FKTN: variants seen among roughly 807,000 people sequenced by gnomAD.
FKTN encodes fukutin.
FKTN carries 47 observed loss-of-function variants against 58.6 expected under a neutral mutation model. The ratio of observed to expected loss-of-function variants is 0.80; its 90% CI spans 0.63 to 1.02. FKTN has a LOEUF of 1.02. Ranked by LOEUF, FKTN falls within the 50% of genes least tolerant of loss-of-function variation. The pLI is 0.00. For synonymous variants in FKTN, 178 were observed against 191.9 expected, an observed-to-expected ratio of 0.93 and a Z score of 0.60; for missense variants, 516 against 537.3, an observed-to-expected ratio of 0.96 and a Z score of 0.39.
chr9:105,611,367 C>T (rs1036447951), intron 7 of FKTN, among the ~76,000 whole-genome samples: 1 of 152,018 alleles, frequency 6.6e-6, no homozygotes, highest in Non-Finnish European at 1.5e-5. Context: ...TTATTTTTAA[C>T]TTGTAAGTTC....
chr9:105,583,982 C>T (rs1193984724), intron 3 of FKTN, among the ~76,000 whole-genome samples: 1 of 152,198 alleles, frequency 6.6e-6, no homozygotes, highest in Non-Finnish European at 1.5e-5. Context: ...TAAAGAACTG[C>T]TGTCTCAACC....
chr9:105,574,914 G>T (rs969473930), intron 2 of FKTN, 31 bp from the exon 3 acceptor site: 5 of 696,902 alleles, frequency 7.2e-6, no homozygotes, highest in Non-Finnish European at 1.3e-5. Flanking sequence ...AGAGGTTTTT[G>T]TTTCTTTAAA....
chr9:105,632,422 A>T (rs1405184085), intron 10 of FKTN, among the ~76,000 whole-genome samples: 2 of 146,862 alleles, frequency 1.4e-5, no homozygotes, highest in Non-Finnish European at 3.0e-5. Flanking sequence ...AGTATAATAA[A>T]AAAAAATATA....
chr9:105,603,154 G>A (rs756697440), intron 5 of FKTN, among the ~76,000 whole-genome samples: 4 of 152,142 alleles, frequency 2.6e-5, no homozygotes, highest in Non-Finnish European at 4.4e-5. Context: ...TTGTCTGTCA[G>A]TCTTTCCTCC....
At position 105,637,723 on chromosome 9, in the gene FKTN, C is replaced by T. The variant is rs1834141953; in HGVS notation, c.*2459C>T. On this transcript the variant is annotated 3_prime_UTR_variant, in exon 11 of 11. Coordinates refer to ENST00000357998, the MANE Select transcript of FKTN (RefSeq NM_001079802.2). ...TTGACAACTTGTTGGTAGTTAGGCA[C>T]CCATGAATGTCTCCAGAGACATCCT... is the stretch of plus-strand genomic sequence containing the variant. 2 of 985,330 alleles carry T rather than the reference C, an allele frequency of 2.0e-6. No individual in the cohort carries two copies. The highest frequency in any genetic ancestry group is 9.4e-5 in the South Asian group (2 of 21,276). 61.0% of individuals were successfully genotyped at this position (985,330 alleles called of 1,614,324 possible). A position where few individuals can be genotyped will look rare whatever the true frequency, so the allele number is the denominator to read the frequency against.
intron 7 of FKTN, among the ~76,000 whole-genome samples, chr9:105,614,558 A>G (rs1364244155): frequency 6.6e-6 from 1 of 152,202 alleles, no homozygotes; most frequent in East Asian, 1.9e-4. Context: ...ACTATACTAC[A>G]CAGTCTCTAA....
chr9:105,574,651 C>T (rs564312796), intron 2 of FKTN, among the ~76,000 whole-genome samples: 11 of 152,086 alleles, frequency 7.2e-5, no homozygotes, highest in Admixed American at 3.9e-4. Flanking sequence ...GGTCTCATAC[C>T]GGATTTACTG....
chr9:105,566,172 C>G (rs1296161949), intron 1 of FKTN, among the ~76,000 whole-genome samples: 1 of 152,174 alleles, frequency 6.6e-6, no homozygotes, highest in Non-Finnish European at 1.5e-5. Context: ...AAATTTATAG[C>G]ACTAAATGCC....
chr9:105,639,727 A>T lies in FKTN; in HGVS notation c.*4463A>T. The T allele has an allele frequency of 1.0e-6, 1 of 971,058 alleles. No homozygotes were observed. The highest frequency in any genetic ancestry group is 1.2e-6 in the Non-Finnish European group (1 of 804,954). 60.2% of individuals were successfully genotyped at this position (971,058 alleles called of 1,614,324 possible). On this transcript the variant is annotated 3_prime_UTR_variant, in exon 11 of 11. Coordinates refer to ENST00000357998, the MANE Select transcript of FKTN (RefSeq NM_001079802.2). The stretch of plus-strand genomic sequence containing the variant: ...CAATATATGGTTTGTGAATTCAGAG[A>T]CATTACCAGTTTGCCTCCTTCTCTC...
Position 105,604,284 on chromosome 9 carries a change from C to T in FKTN, c.439C>T (p.Leu147=). ...CLKIESKDPR[L]DGIDSLSGTE... ...AAAGATTGAGAGTAAAGATCCCCGG[C>T]TAGACGGGATAGACTCACTCTCTGG... Residue 147 remains leucine (L), a synonymous_variant, in exon 6 of 11, where the codon CTA becomes TTA. Transcript: ENST00000357998. The T allele has an allele frequency of 6.2e-7, 1 of 1,613,484 alleles. No individual in the cohort carries two copies. Among genetic ancestry groups the T allele is most frequent in the Non-Finnish European group, 8.5e-7 (1 of 1,179,832 alleles).
intron 3 of FKTN, among the ~76,000 whole-genome samples, chr9:105,586,972 C>T (rs1164085298): frequency 6.6e-6 from 1 of 152,114 alleles, no homozygotes; most frequent in African/African-American, 2.4e-5. Flanking sequence ...TGTATTTATT[C>T]ATACAGCTAT....
At chr9:105,609,240 A>C (rs1468783452) in intron 7 of FKTN, among the ~76,000 whole-genome samples, 1 of 152,088 alleles carries the variant, frequency 6.6e-6, no homozygotes, top group East Asian at 1.9e-4. Context: ...TAAAGCAATA[A>C]ATTAATCTAA....
chr9:105,629,174 C>T (rs982423847), intron 10 of FKTN, among the ~76,000 whole-genome samples: 41 of 151,882 alleles, frequency 2.7e-4, no homozygotes, highest in African/African-American at 9.2e-4. Context: ...TAAGCCTGGG[C>T]AACATAGGGA....
chr9:105,576,527 A>C (rs1418745990), intron 3 of FKTN, among the ~76,000 whole-genome samples: 32 of 146,930 alleles, frequency 2.2e-4, no homozygotes, highest in Non-Finnish European at 3.7e-4. Context: ...ATAGTATTCC[A>C]TGGTGTATAT....
intron 7 of FKTN, among the ~76,000 whole-genome samples, chr9:105,608,551 A>G (rs572297683): frequency 6.6e-6 from 1 of 152,286 alleles, no homozygotes; most frequent in Non-Finnish European, 1.5e-5. Context: ...GATGACATGA[A>G]ACACAGAGAT....
chr9:105,575,011 A>T lies in FKTN; in HGVS notation c.-22A>T. 2 of 1,303,452 alleles carry T rather than the reference A, an allele frequency of 1.5e-6. No homozygotes were observed. Among genetic ancestry groups the T allele is most frequent in the Non-Finnish European group, 2.2e-6 (2 of 896,884 alleles). 80.7% of individuals were successfully genotyped at this position (1,303,452 alleles called of 1,614,324 possible). A position where few individuals can be genotyped will look rare whatever the true frequency, so the allele number is the denominator to read the frequency against. Reference sequence around the variant, plus strand: ...ACGACTGAGATACTTTCAAAAGACAACCAAGTGAGCAGCACAGACTAATGA... The same window carrying T: ...ACGACTGAGATACTTTCAAAAGACATCCAAGTGAGCAGCACAGACTAATGA... On this transcript the variant is annotated 5_prime_UTR_variant, in exon 3 of 11. Coordinates refer to ENST00000357998, the MANE Select transcript of FKTN (RefSeq NM_001079802.2).
chr9:105,610,564 C>T (rs113309291), intron 7 of FKTN, among the ~76,000 whole-genome samples: 1 of 151,940 alleles, frequency 6.6e-6, no homozygotes, highest in Non-Finnish European at 1.5e-5. Context: ...CTGTTCTTCT[C>T]ACCCTACCTG....
Position 105,576,199 on chromosome 9 carries a change from G to A in FKTN, c.105+1062G>A, listed in dbSNP as rs553105146. 1.3e-4 allele frequency among the ~76,000 whole-genome samples: 20 copies of A among 149,228 alleles called. No homozygotes were observed. The South Asian group carries it at 3.4e-3, about 25-fold the overall frequency. On this transcript the variant is annotated intron_variant, in intron 3 of 10. Transcript: ENST00000357998. ...TTTTTTATTATACTTTAAGTTTTAG[G>A]GTACATTTGCACATTGTGCAGGTTA...
chr9:105,573,791 A>G (rs1841201290), intron 2 of FKTN, 45 bp downstream of exon 2: 1 of 152,208 alleles, frequency 6.6e-6, no homozygotes, highest in African/African-American at 2.4e-5. Flanking sequence ...AGATTAAATT[A>G]CCTATCAGGA....
Sources: allele counts gnomAD v4.1 joint callset (sites outside exome capture counted in the v4.1 genomes callset), GRCh38; gene constraint gnomAD v4.1.1; transcripts MANE v1.5; gene names NCBI Gene and HGNC (gene_info 2026-07-23, HGNC 2026-07-21).